Variants in NFIA observed in about 807,000 individuals in gnomAD.
NFIA encodes the protein nuclear factor 1 A-type.
In NFIA, 8 loss-of-function variants were observed where a neutral mutation model predicts 62.8. The ratio of observed to expected loss-of-function variants is 0.13; its 90% CI spans 0.07 to 0.23. The LOEUF (loss-of-function observed/expected upper bound fraction) is 0.23. Ranked by LOEUF, NFIA falls within the 10% of genes least tolerant of loss-of-function variation. The pLI is 1.00. For synonymous variants in NFIA, 235 were observed against 238.1 expected (o/e 0.99, Z 0.12); for missense variants, 410 against 642.1 (o/e 0.64, Z 3.91).
chr1:61,400,303 T>C (rs1665487671), intron 7 of NFIA, among the ~76,000 whole-genome samples: 1 of 152,228 alleles, frequency 6.6e-6, no homozygotes, highest in African/African-American at 2.4e-5. Context: ...CTTATTTATA[T>C]TCTTTGTGAA....
chr1:61,114,695 T>G (rs951889229), intron 2 of NFIA, among the ~76,000 whole-genome samples: 1 of 152,192 alleles, frequency 6.6e-6, no homozygotes, highest in Non-Finnish European at 1.5e-5. Context: ...ACTTTTCTTC[T>G]TATCTTTTAA....
chr1:61,395,071 C>T (rs973855755), intron 7 of NFIA, among the ~76,000 whole-genome samples: 1 of 152,094 alleles, frequency 6.6e-6, no homozygotes, highest in Non-Finnish European at 1.5e-5. Context: ...TGCATCACTG[C>T]CCTCCAGCCT....
intron 2 of NFIA, among the ~76,000 whole-genome samples, chr1:61,275,923 A>G (rs571972708): frequency 3.3e-5 from 5 of 152,252 alleles, no homozygotes; most frequent in East Asian, 1.9e-4. Flanking sequence ...ATATGGGTCA[A>G]TGTAAATTTG....
chr1:61,191,752 C>G (rs1416628299), intron 2 of NFIA, among the ~76,000 whole-genome samples: 1 of 152,050 alleles, frequency 6.6e-6, no homozygotes, highest in Non-Finnish European at 1.5e-5. Context: ...GGTGGTTGCA[C>G]TAATCAGAGA....
In NFIA at chr1:61,119,883, G is replaced by A. The variant is rs556069780; in HGVS notation, c.559+31203G>A. On this transcript the variant is annotated intron_variant, in intron 2 of 10. Coordinates refer to ENST00000403491, the MANE Select transcript of NFIA (RefSeq NM_001134673.4). The stretch of plus-strand genomic sequence containing the variant: ...AATTTTAACAGCCTTGCCTCTGTAT[G>A]CCCTGCTCATCTGTGTCTTACCAAC... 2.2e-3 allele frequency among the ~76,000 whole-genome samples: 334 copies of A among 152,270 alleles called. 2 individuals are homozygous for A. The highest frequency in any genetic ancestry group is 7.7e-3 in the African/African-American group (321 of 41,552).
chr1:61,283,594 A>AAG (rs1553168462), intron 3 of NFIA, among the ~76,000 whole-genome samples: 2 of 110,010 alleles, frequency 1.8e-5, no homozygotes, highest in African/African-American at 3.1e-5. Context: ...AAAAAAAAAA[A>AAG]AAAAAAAAAA....
intron 10 of NFIA, among the ~76,000 whole-genome samples, chr1:61,454,792 C>G (rs1382053704): frequency 1.3e-5 from 2 of 152,200 alleles, no homozygotes; most frequent in African/African-American, 4.8e-5. Flanking sequence ...GAGAGTGTCA[C>G]AATCATGGCT....
intron 2 of NFIA, among the ~76,000 whole-genome samples, chr1:61,165,239 G>C (rs187368710): frequency 1.1e-3 from 169 of 152,126 alleles, no homozygotes; most frequent in African/African-American, 3.8e-3. Context: ...CCCTTTAGTT[G>C]TTTTTATTCT....
intron 2 of NFIA, among the ~76,000 whole-genome samples, chr1:61,228,681 T>A (rs1398902291): frequency 6.7e-6 from 1 of 150,188 alleles, no homozygotes; most frequent in African/African-American, 2.5e-5. Context: ...CTGGGCTTTC[T>A]GTATTTTTTA....
intron 6 of NFIA, among the ~76,000 whole-genome samples, chr1:61,377,740 A>G (rs1664220217): frequency 6.6e-6 from 1 of 152,190 alleles, no homozygotes; most frequent in African/African-American, 2.4e-5. Context: ...AACTTGAATT[A>G]CATCTCCCAA....
chr1:61,184,121 A>G (rs1326309010), intron 2 of NFIA, among the ~76,000 whole-genome samples: 2 of 144,290 alleles, frequency 1.4e-5, no homozygotes, highest in East Asian at 2.2e-4. Context: ...GGGGGAAAAA[A>G]AACCAAAAAA....
intron 10 of NFIA, among the ~76,000 whole-genome samples, chr1:61,447,697 A>G (rs1292801786): frequency 6.6e-6 from 1 of 152,180 alleles, no homozygotes; most frequent in African/African-American, 2.4e-5. Context: ...AATGGATAGA[A>G]TCTATTTTTC....
chr1:61,140,324 A>C (rs1039402338), intron 2 of NFIA, among the ~76,000 whole-genome samples: 1 of 116,550 alleles, frequency 8.6e-6, no homozygotes, highest in Non-Finnish European at 1.6e-5. Flanking sequence ...TGCCTCCAGG[A>C]TGTTGGTAAA....
At chr1:61,440,158 A>G (rs1667511909) in intron 10 of NFIA, among the ~76,000 whole-genome samples, 1 of 152,182 alleles carries the variant, frequency 6.6e-6, no homozygotes, top group East Asian at 1.9e-4. Context: ...CTGCTCAATG[A>G]AGGTCAAAAA....
intron 6 of NFIA, among the ~76,000 whole-genome samples, chr1:61,377,244 G>A (rs1355508442): frequency 6.6e-6 from 1 of 151,512 alleles, no homozygotes; most frequent in Non-Finnish European, 1.5e-5. Flanking sequence ...AGAAAGAGAA[G>A]AAAATGTAAG....
At chr1:61,334,521 G>A (rs866689502) in intron 4 of NFIA, among the ~76,000 whole-genome samples, 1 of 114,614 alleles carries the variant, frequency 8.7e-6, no homozygotes, top group African/African-American at 3.1e-5. Flanking sequence ...GGGAGTATTT[G>A]TGTGTGTGTA....
rs1209494353 is a variant in NFIA at position 61,460,548 on chromosome 1, A to G, written c.*5228A>G. 2 of 152,240 alleles carry G rather than the reference A, an allele frequency of 1.3e-5. No homozygotes were observed. Among genetic ancestry groups the G allele is most frequent in the African/African-American group, 4.8e-5 (2 of 41,474 alleles). 9.4% of individuals were successfully genotyped at this position (152,240 alleles called of 1,614,324 possible). A position where few individuals can be genotyped will look rare whatever the true frequency, so the allele number is the denominator to read the frequency against. On this transcript the variant is annotated 3_prime_UTR_variant, in exon 11 of 11. Coordinates refer to ENST00000403491, the MANE Select transcript of NFIA (RefSeq NM_001134673.4). ...ACTATGCACTAATCTATCTGAAGAA[A>G]AAAACTATATCAACTTTGGTATCTA...
At chr1:61,286,427 CAAA>C (rs59486053) in intron 3 of NFIA, among the ~76,000 whole-genome samples, 3 of 108,764 alleles carry the variant, frequency 2.8e-5, no homozygotes, top group Non-Finnish European at 1.9e-5. Context: ...GACTCTGTCT[CAAA>C]AAAAAAAAAA....
intron 5 of NFIA, among the ~76,000 whole-genome samples, 177 bp from the exon 6 acceptor site, chr1:61,358,970 A>C (rs1362601311): frequency 1.3e-5 from 2 of 152,222 alleles, no homozygotes; most frequent in Non-Finnish European, 2.9e-5. Flanking sequence ...CACAGACCCA[A>C]GACTTTGTTC....
Sources: gnomAD v4.1 joint callset for allele counts (sites outside exome capture counted in the v4.1 genomes callset) on GRCh38, gnomAD v4.1.1 for gene constraint, MANE v1.5 for transcripts, NCBI Gene and HGNC (gene_info 2026-07-23, HGNC 2026-07-21) for gene names.